ITPK1: variants seen among roughly 807,000 people sequenced by gnomAD.
ITPK1 encodes inositol 1,3,4-trisphosphate 5/6-kinase.
In ITPK1, 21 loss-of-function variants were observed where a neutral mutation model predicts 45.3. That is an observed-to-expected ratio of 0.46 (90% CI 0.33 to 0.67). The LOEUF (loss-of-function observed/expected upper bound fraction) is 0.67. Ranked by LOEUF, ITPK1 falls within the 30% of genes least tolerant of loss-of-function variation. ITPK1 has a pLI of 0.02. For missense variants in ITPK1, 474 were observed against 573.5 expected, an observed-to-expected ratio of 0.83 and a Z score of 1.77; for synonymous variants, 258 against 253.6, an observed-to-expected ratio of 1.02 and a Z score of -0.16.
At chr14:92,981,041 A>C (rs1886203657) in intron 5 of ITPK1, among the ~76,000 whole-genome samples, 1 of 152,024 alleles carries the variant, frequency 6.6e-6, no homozygotes, top group African/African-American at 2.4e-5. Flanking sequence ...CCGTGGAGAC[A>C]CCTGGCCCAC....
At chr14:92,957,027 G>A (rs966876338) in intron 8 of ITPK1, among the ~76,000 whole-genome samples, 3 of 152,174 alleles carry the variant, frequency 2.0e-5, no homozygotes, top group Admixed American at 2.0e-4. Context: ...AAGTATCCAC[G>A]CTCTGCATGT....
intron 5 of ITPK1, among the ~76,000 whole-genome samples, chr14:92,992,656 G>A (rs913417168): frequency 1.3e-5 from 2 of 152,210 alleles, no homozygotes; most frequent in African/African-American, 2.4e-5. Context: ...TACTCTCCAG[G>A]CCAGGGTCCT....
At chr14:93,057,223 A>G (rs1890245501) in intron 3 of ITPK1, among the ~76,000 whole-genome samples, 1 of 152,206 alleles carries the variant, frequency 6.6e-6, no homozygotes, top group Admixed American at 6.5e-5. Flanking sequence ...CCAGACTCCA[A>G]ATCCACCACG....
rs966346990 is a variant in ITPK1 at position 93,014,329 on chromosome 14, C to T, written c.246+2347G>A. 3.3e-5 allele frequency among the ~76,000 whole-genome samples: 5 copies of T among 152,214 alleles called. No homozygotes were observed. Among genetic ancestry groups the T allele is most frequent in the Admixed American group, 6.5e-5 (1 of 15,282 alleles). On this transcript the variant is annotated intron_variant, in intron 4 of 10. Transcript: ENST00000267615. This position sits in a 1 kb window ranked among gnomAD's most constrained non-coding sequence, Gnocchi z 4.4. ...GGAACACAGCGGGCACTCTCATTCA[C>T]TGTTTGGACATCACTTGCCTGGGCT...
At chr14:92,964,645 C>A (rs1885254177) in intron 5 of ITPK1, among the ~76,000 whole-genome samples, 1 of 152,218 alleles carries the variant, frequency 6.6e-6, no homozygotes. Context: ...GACGGGCGCT[C>A]ACCAGCCTGG....
intron 3 of ITPK1, among the ~76,000 whole-genome samples, chr14:93,048,144 T>C (rs889929001): frequency 1.3e-5 from 2 of 152,248 alleles, no homozygotes; most frequent in African/African-American, 4.8e-5. Flanking sequence ...ATTTGTTTTC[T>C]GACATAACAT....
intron 2 of ITPK1, among the ~76,000 whole-genome samples, chr14:93,112,408 T>C (rs942950321): frequency 1.3e-5 from 2 of 151,610 alleles, no homozygotes; most frequent in Non-Finnish European, 2.9e-5. Flanking sequence ...ATTCGGGTCA[T>C]TCTTTGCCCA....
chr14:93,003,692 C>G (rs765749900), intron 4 of ITPK1, among the ~76,000 whole-genome samples: 4 of 152,222 alleles, frequency 2.6e-5, no homozygotes, highest in Non-Finnish European at 5.9e-5. Flanking sequence ...ACCTATGTAA[C>G]AGTCCTGACA....
chr14:93,100,533 G>GA (rs1405231897), intron 2 of ITPK1, among the ~76,000 whole-genome samples: 32 of 150,372 alleles, frequency 2.1e-4, no homozygotes, highest in African/African-American at 7.8e-4. Context: ...GGGGGAGAGA[G>GA]GAGGGAGAGA....
intron 2 of ITPK1, among the ~76,000 whole-genome samples, chr14:93,083,973 C>A (rs1891551459): frequency 6.6e-6 from 1 of 152,236 alleles, no homozygotes; most frequent in Non-Finnish European, 1.5e-5. Flanking sequence ...TCAAAGCCGG[C>A]AATTTCCCTC....
chr14:92,965,778 C>T (rs879419640), intron 5 of ITPK1, among the ~76,000 whole-genome samples: 13 of 151,968 alleles, frequency 8.6e-5, no homozygotes, highest in Non-Finnish European at 1.9e-4. Flanking sequence ...CCAAAGCAGG[C>T]GGATCACCTG....
At chr14:92,987,706 C>G (rs986078695) in intron 5 of ITPK1, among the ~76,000 whole-genome samples, 1 of 152,178 alleles carries the variant, frequency 6.6e-6, no homozygotes, top group Non-Finnish European at 1.5e-5. Context: ...TTCCACACCC[C>G]CCATCTGTAA....
chr14:93,003,023 C>T (rs900050203), intron 4 of ITPK1, among the ~76,000 whole-genome samples: 4 of 152,224 alleles, frequency 2.6e-5, no homozygotes, highest in African/African-American at 9.6e-5. Flanking sequence ...CCACAGTCCA[C>T]AGGGCCTCTG....
In ITPK1 at chr14:93,032,927, G is replaced by A. The variant is rs2139893758; in HGVS notation, c.121-16126C>T. Among the ~76,000 whole-genome samples, 1 of 152,374 alleles carries A rather than the reference G, an allele frequency of 6.6e-6. No individual in the cohort carries two copies. Among genetic ancestry groups the A allele is most frequent in the South Asian group, 2.1e-4 (1 of 4,830 alleles). On this transcript the variant is annotated intron_variant, in intron 3 of 10. Coordinates refer to ENST00000267615, the MANE Select transcript of ITPK1 (RefSeq NM_014216.6). This position sits in a 1 kb window ranked among gnomAD's most constrained non-coding sequence, Gnocchi z 4.0. ...TTTTCTCTAGGGGGTGAGCCCTTTA[G>A]CAAAGGAGCTGGTGGGCTTCATCTC...
At chr14:93,028,373 TA>T (rs1262034104) in intron 3 of ITPK1, among the ~76,000 whole-genome samples, 2 of 152,216 alleles carry the variant, frequency 1.3e-5, no homozygotes, top group African/African-American at 4.8e-5. Context: ...CAGCCTGTTC[TA>T]ACACCTTCGC....
intron 3 of ITPK1, among the ~76,000 whole-genome samples, chr14:93,054,991 A>G (rs1012871396): frequency 6.6e-6 from 1 of 152,124 alleles, no homozygotes; most frequent in Non-Finnish European, 1.5e-5. Context: ...CTTGTCCCCA[A>G]AGGTGACCGC....
chr14:92,947,672 A>C (rs2139705862), intron 9 of ITPK1, among the ~76,000 whole-genome samples: 1 of 152,340 alleles, frequency 6.6e-6, no homozygotes, highest in African/African-American at 2.4e-5. Flanking sequence ...CTAGGGCAGG[A>C]ACTGCATCCC....
At chr14:92,981,656 G>A (rs765523132) in intron 5 of ITPK1, among the ~76,000 whole-genome samples, 14 of 152,228 alleles carry the variant, frequency 9.2e-5, no homozygotes, top group Non-Finnish European at 1.9e-4. Flanking sequence ...TTATTGAGCA[G>A]GTACTATGTT....
Position 93,076,757 on chromosome 14 carries a change from CTGT to C in ITPK1, c.96-141_96-139del, listed in dbSNP as rs1242395183. 1 of 947,990 alleles carries C rather than the reference CTGT, an allele frequency of 1.1e-6. No individual in the cohort carries two copies. The highest frequency in any genetic ancestry group is 2.4e-5 in the East Asian group (1 of 41,114). The allele number at this position is 947,990 out of a possible 1,614,324, so 58.7% of individuals were successfully genotyped here. A position where few individuals can be genotyped will look rare whatever the true frequency, so the allele number is the denominator to read the frequency against. On this transcript the variant is annotated intron_variant, in intron 2 of 10. Transcript: ENST00000267615. This position sits in a 1 kb window ranked among gnomAD's most constrained non-coding sequence, Gnocchi z 4.3. ...GCCGGCAGCTGCGCCTCTCCTGCTA[CTGT>C]CCCAGAACAGCCATGCCTTCCACTC...
Sources: gnomAD v4.1 joint callset for allele counts (sites outside exome capture counted in the v4.1 genomes callset) on GRCh38, gnomAD v4.1.1 for gene constraint, Gnocchi (gnomAD v3.1) non-coding constraint, MANE v1.5 for transcripts, NCBI Gene and HGNC (gene_info 2026-07-23, HGNC 2026-07-21) for gene names.